Variants in IL1RAPL2 observed in about 807,000 individuals in gnomAD.
IL1RAPL2 encodes the protein interleukin 1 receptor accessory protein like 2, also known as X-linked interleukin-1 receptor accessory protein-like 2.
In IL1RAPL2, 3 loss-of-function variants were observed where a neutral mutation model predicts 44.1. The ratio of observed to expected loss-of-function variants is 0.07; its 90% confidence interval spans 0.03 to 0.18. The LOEUF is 0.18. IL1RAPL2 is among the 10% of genes least tolerant of loss of function. IL1RAPL2 has a pLI of 1.00. For synonymous variants in IL1RAPL2, 181 were observed against 178.8 expected (o/e 1.01, Z -0.10); for missense variants, 391 against 496.4 (o/e 0.79, Z 2.02).
intron 2 of IL1RAPL2, among the ~76,000 whole-genome samples, chrX:104,953,834 A>G (rs950220813): frequency 9.0e-6 from 1 of 111,718 alleles, no homozygotes; most frequent in African/African-American, 3.3e-5. Flanking sequence ...GGCACATCTA[A>G]TATATATTTT....
At chrX:105,429,132 A>G (rs1241637510) in intron 5 of IL1RAPL2, among the ~76,000 whole-genome samples, 1 of 111,907 alleles carries the variant, frequency 8.9e-6, no homozygotes, top group Non-Finnish European at 1.9e-5. Flanking sequence ...ATCGTTCACC[A>G]CTTAGCACTT....
intron 6 of IL1RAPL2, among the ~76,000 whole-genome samples, chrX:105,607,282 G>T (rs368394602): frequency 3.7e-5 from 4 of 109,441 alleles, no homozygotes; most frequent in South Asian, 7.8e-4. Context: ...CTATTTTTAT[G>T]CAATAATATT....
intron 2 of IL1RAPL2, among the ~76,000 whole-genome samples, chrX:105,137,056 A>G (rs2033082544): frequency 9.0e-6 from 1 of 111,433 alleles, no homozygotes; most frequent in Non-Finnish European, 1.9e-5. Context: ...CTGATGGGAG[A>G]ATGAAGACTT....
At chrX:104,671,342 T>C (rs1395807719) in intron 2 of IL1RAPL2, among the ~76,000 whole-genome samples, 1 of 111,646 alleles carries the variant, frequency 9.0e-6, no homozygotes, top group Non-Finnish European at 1.9e-5. Flanking sequence ...AAAAGAACTG[T>C]TCATATTCCC....
intron 2 of IL1RAPL2, among the ~76,000 whole-genome samples, chrX:104,761,833 TCTCCTTCTC>T (rs1932436685): frequency 1.5e-5 from 1 of 68,640 alleles, no homozygotes; most frequent in African/African-American, 7.2e-5. Flanking sequence ...TTCTCCTTCT[TCTCCTTCTC>T]CTTCTTCTCC....
At chrX:104,822,708 C>A (rs775658188) in intron 2 of IL1RAPL2, among the ~76,000 whole-genome samples, 1 of 111,914 alleles carries the variant, frequency 8.9e-6, no homozygotes, top group Non-Finnish European at 1.9e-5. Flanking sequence ...CAGCTTTGTT[C>A]TTTTTGCTTA....
At chrX:105,170,251 A>G (rs975182009) in intron 2 of IL1RAPL2, among the ~76,000 whole-genome samples, 2 of 111,673 alleles carry the variant, frequency 1.8e-5, no homozygotes, top group African/African-American at 6.5e-5. Context: ...AAATATTTAT[A>G]ATATCTTAAG....
chrX:105,550,938 ATAC>A (rs1402022470), intron 6 of IL1RAPL2, among the ~76,000 whole-genome samples: 27 of 111,796 alleles, frequency 2.4e-4, no homozygotes, highest in Admixed American at 2.2e-3. Context: ...GAAAACCCTC[ATAC>A]TACATTTCCA....
At chrX:105,436,048 A>T (rs1312392386) in intron 5 of IL1RAPL2, among the ~76,000 whole-genome samples, 1 of 111,582 alleles carries the variant, frequency 9.0e-6, no homozygotes, top group Admixed American at 9.6e-5. Context: ...CAGAACTTAA[A>T]ATAAAAATAA....
At chrX:105,168,789 C>T (rs202043242) in intron 2 of IL1RAPL2, among the ~76,000 whole-genome samples, 1 of 109,816 alleles carries the variant, frequency 9.1e-6, no homozygotes, top group East Asian at 2.9e-4. Flanking sequence ...GTATGAGGCT[C>T]ACCCACAGTG....
chrX:105,276,352 G>C (rs2034486134), intron 5 of IL1RAPL2, among the ~76,000 whole-genome samples: 1 of 112,856 alleles, frequency 8.9e-6, no homozygotes, highest in African/African-American at 3.2e-5. Flanking sequence ...AGGTTGTGGT[G>C]AGCCGAGATT....
chrX:105,654,602 T>A (rs2037665145), intron 6 of IL1RAPL2, among the ~76,000 whole-genome samples: 1 of 111,905 alleles, frequency 8.9e-6, no homozygotes, highest in Non-Finnish European at 1.9e-5. Flanking sequence ...ATTAAATATT[T>A]AAAAGTCCTC....
intron 1 of IL1RAPL2, among the ~76,000 whole-genome samples, chrX:104,611,275 G>C (rs917658033): frequency 9.0e-6 from 1 of 111,287 alleles, no homozygotes; most frequent in Non-Finnish European, 1.9e-5. Context: ...CTTCCCCCAG[G>C]TGCTCTGTCC....
chrX:105,390,214 C>T (rs1408379767), intron 5 of IL1RAPL2, among the ~76,000 whole-genome samples: 2 of 111,397 alleles, frequency 1.8e-5, no homozygotes, highest in Admixed American at 9.6e-5. Context: ...CTCTGTAACA[C>T]ACTTCAGTGG....
intron 2 of IL1RAPL2, among the ~76,000 whole-genome samples, chrX:104,787,070 C>T (rs1013876642): frequency 9.2e-6 from 1 of 109,109 alleles, no homozygotes; most frequent in Non-Finnish European, 1.9e-5. Flanking sequence ...TTTTCATTCA[C>T]TTAACAATAG....
chrX:105,737,171 C>G (rs200687797), intron 7 of IL1RAPL2, among the ~76,000 whole-genome samples: 1 of 110,599 alleles, frequency 9.0e-6, no homozygotes, highest in East Asian at 2.9e-4. Flanking sequence ...TAAGTGGGAG[C>G]TAAATATTGA....
chrX:105,030,102 T>C (rs1224959380), intron 2 of IL1RAPL2, among the ~76,000 whole-genome samples: 12 of 111,808 alleles, frequency 1.1e-4, no homozygotes, highest in African/African-American at 3.9e-4. Context: ...TGGGTTTGTT[T>C]TTTTCTTGTA....
At chrX:105,354,414 A>G (rs1031690657) in intron 5 of IL1RAPL2, among the ~76,000 whole-genome samples, 5 of 104,754 alleles carry the variant, frequency 4.8e-5, no homozygotes, top group African/African-American at 7.0e-5. Context: ...AAAAAACCAA[A>G]CACTGCATGT....
At chrX:105,120,947 A>G (rs2032918596) in intron 2 of IL1RAPL2, among the ~76,000 whole-genome samples, 1 of 109,856 alleles carries the variant, frequency 9.1e-6, no homozygotes, top group South Asian at 3.8e-4. Context: ...GCATTTTACC[A>G]TTTGGTGGAC....
Sources: allele counts gnomAD v4.1 joint callset (sites outside exome capture counted in the v4.1 genomes callset), GRCh38; gene constraint gnomAD v4.1.1; transcripts MANE v1.5; gene names NCBI Gene and HGNC (gene_info 2026-07-23, HGNC 2026-07-21).